DCC: variants seen among roughly 807,000 people sequenced by gnomAD.
The protein encoded by DCC is DCC netrin 1 receptor, also known as netrin receptor DCC.
Under a neutral mutation model 172.5 loss-of-function variants are expected in DCC, and 58 were observed. The ratio of observed to expected loss-of-function variants is 0.34; its 90% CI spans 0.27 to 0.42. DCC has a LOEUF of 0.42. DCC is among the 10% of genes least tolerant of loss of function. DCC has a pLI of 1.00. For missense variants in DCC, 1,740 were observed against 1,791.0 expected, an observed-to-expected ratio of 0.97 and a Z score of 0.51; for synonymous variants, 709 against 644.5, an observed-to-expected ratio of 1.10 and a Z score of -1.52.
At chr18:53,448,057 T>TGTTG (rs1912736438) in intron 22 of DCC, among the ~76,000 whole-genome samples, 1 of 150,770 alleles carries the variant, frequency 6.6e-6, no homozygotes, top group African/African-American at 2.4e-5. Flanking sequence ...GTTTTTTTTT[T>TGTTG]TTTTTTTTTT....
chr18:53,156,591 A>T lies in DCC; in HGVS notation c.1262-765A>T, dbSNP rs543837323. Among the ~76,000 whole-genome samples, 5 of 152,094 alleles carry T rather than the reference A, an allele frequency of 3.3e-5. No homozygotes were observed. The East Asian group carries it at 7.7e-4, about 23-fold the overall frequency. ...GTCAGAAATCATGTGGTCTTACTGTATGTTAAAACTATATGATTACATTTT... is the reference window on the plus strand; with the variant it reads ...GTCAGAAATCATGTGGTCTTACTGTTTGTTAAAACTATATGATTACATTTT... On this transcript the variant is annotated intron_variant, in intron 7 of 28. Transcript: ENST00000442544.
chr18:53,463,290 G>T (rs1041902753), intron 24 of DCC, among the ~76,000 whole-genome samples: 2 of 152,112 alleles, frequency 1.3e-5, no homozygotes, highest in African/African-American at 4.8e-5. Flanking sequence ...CCTGGGGGAA[G>T]GTTTAATCCC....
intron 12 of DCC, among the ~76,000 whole-genome samples, chr18:53,254,536 A>G (rs1388844328): frequency 1.3e-5 from 2 of 152,060 alleles, no homozygotes; most frequent in Non-Finnish European, 1.5e-5. Flanking sequence ...TGAAATCTAC[A>G]TTCCTGGGAA....
Position 52,807,760 on chromosome 18 carries a change from A to G in DCC, c.412+55386A>G, listed in dbSNP as rs2038115540. 2.0e-5 allele frequency among the ~76,000 whole-genome samples: 3 copies of G among 151,226 alleles called. No homozygotes were observed. The South Asian group carries it at 6.3e-4, about 32-fold the overall frequency. ...TATTTTTACCAACTCTACTGCAAAC[A>G]GGTGTTTATCCTCTTTGCGAAATGC... is the stretch of plus-strand genomic sequence containing the variant. On this transcript the variant is annotated intron_variant, in intron 2 of 28. Coordinates refer to ENST00000442544, the MANE Select transcript of DCC (RefSeq NM_005215.4).
intron 1 of DCC, among the ~76,000 whole-genome samples, chr18:52,668,866 C>A (rs1291323999): frequency 6.6e-6 from 1 of 152,214 alleles, no homozygotes; most frequent in African/African-American, 2.4e-5. Flanking sequence ...CTTGTCTCTT[C>A]AGTTAGACAT....
intron 1 of DCC, among the ~76,000 whole-genome samples, chr18:52,612,431 A>G (rs936994350): frequency 2.0e-5 from 3 of 151,392 alleles, no homozygotes; most frequent in African/African-American, 7.3e-5. Flanking sequence ...TGCTCCCACT[A>G]TAGTCAGAGT....
intron 1 of DCC, among the ~76,000 whole-genome samples, chr18:52,375,089 T>TGGTA (rs1371349389): frequency 6.6e-6 from 1 of 152,236 alleles, no homozygotes; most frequent in African/African-American, 2.4e-5. Flanking sequence ...TCCCCCTTTG[T>TGGTA]GGTACGTGGT....
chr18:53,129,727 T>C (rs1304924543), intron 7 of DCC, among the ~76,000 whole-genome samples: 4 of 152,172 alleles, frequency 2.6e-5, no homozygotes, highest in Admixed American at 2.6e-4. Flanking sequence ...TTATCTACTA[T>C]CTACTATTTT....
chr18:52,413,273 T>C, intron 1 of DCC, among the ~76,000 whole-genome samples: 1 of 151,254 alleles, frequency 6.6e-6, no homozygotes, highest in East Asian at 1.9e-4. Context: ...AAGATGTTTT[T>C]TAAAAGCCTA....
chr18:53,160,289 A>G (rs560293231), intron 8 of DCC, among the ~76,000 whole-genome samples: 9 of 152,182 alleles, frequency 5.9e-5, no homozygotes, highest in African/African-American at 2.2e-4. Flanking sequence ...TTCTTGCCTC[A>G]CTCTCCAGAC....
intron 5 of DCC, among the ~76,000 whole-genome samples, chr18:52,932,449 AC>A (rs1272491388): frequency 6.6e-6 from 1 of 152,180 alleles, no homozygotes; most frequent in East Asian, 1.9e-4. Context: ...CAGGCTTTGG[AC>A]AAACCTTGTG....
At chr18:52,970,430 C>T (rs2041011593) in intron 5 of DCC, among the ~76,000 whole-genome samples, 1 of 151,958 alleles carries the variant, frequency 6.6e-6, no homozygotes, top group African/African-American at 2.4e-5. Context: ...TTTTCCAAAA[C>T]TCAAAATTAT....
intron 1 of DCC, among the ~76,000 whole-genome samples, chr18:52,395,502 T>C (rs4121993): frequency 0.8 from 121,254 of 151,938 alleles, 48,796 homozygotes; most frequent in African/African-American, 0.87. Context: ...CAGGAGTCCC[T>C]TGGTCCCTTC....
chr18:52,756,613 C>T lies in DCC; in HGVS notation c.412+4239C>T, dbSNP rs192912001. Among the ~76,000 whole-genome samples the T allele has an allele frequency of 1.1e-4, 17 of 152,296 alleles. No individual in the cohort carries two copies. The East Asian group carries it at 3.3e-3, about 29-fold the overall frequency. On this transcript the variant is annotated intron_variant, in intron 2 of 28. Coordinates refer to ENST00000442544, the MANE Select transcript of DCC (RefSeq NM_005215.4). The stretch of plus-strand genomic sequence containing the variant: ...TTGACTGTTTGGGAATATTCAAGTG[C>T]CACTTAAAAAGGAAAAAGCATGAGC...
At chr18:52,407,125 G>T (rs1007080923) in intron 1 of DCC, among the ~76,000 whole-genome samples, 1 of 151,936 alleles carries the variant, frequency 6.6e-6, no homozygotes, top group African/African-American at 2.4e-5. Context: ...CCTGCAGCTA[G>T]GTGTTGATTA....
chr18:53,509,176 T>C (rs1382271203), intron 27 of DCC, among the ~76,000 whole-genome samples: 1 of 152,170 alleles, frequency 6.6e-6, no homozygotes. Context: ...CAAAGAGGGA[T>C]AAGAAGTGAG....
At chr18:53,073,313 C>T (rs1425247225) in intron 7 of DCC, among the ~76,000 whole-genome samples, 1 of 152,116 alleles carries the variant, frequency 6.6e-6, no homozygotes, top group Non-Finnish European at 1.5e-5. Flanking sequence ...ATCACTAGGT[C>T]AGGAGATCGA....
chr18:52,959,786 T>A (rs1465717194), intron 5 of DCC, among the ~76,000 whole-genome samples: 1 of 152,122 alleles, frequency 6.6e-6, no homozygotes, highest in East Asian at 1.9e-4. Context: ...TTGCTATGCA[T>A]CTGGTTTACA....
intron 2 of DCC, among the ~76,000 whole-genome samples, chr18:52,798,165 C>A (rs1175343162): frequency 6.6e-6 from 1 of 150,400 alleles, no homozygotes; most frequent in Non-Finnish European, 1.5e-5. Context: ...TCTGTCAATA[C>A]CCAGGCCTCG....
Sources: allele counts gnomAD v4.1 joint callset (sites outside exome capture counted in the v4.1 genomes callset), GRCh38; gene constraint gnomAD v4.1.1; transcripts MANE v1.5; gene names NCBI Gene and HGNC (gene_info 2026-07-23, HGNC 2026-07-21).